FAAH2: variants seen among roughly 807,000 people sequenced by gnomAD.
FAAH2 encodes the protein fatty acid amide hydrolase 2, also known as fatty-acid amide hydrolase 2.
In FAAH2, 60 loss-of-function variants were observed where a neutral mutation model predicts 36.9. The ratio of observed to expected loss-of-function variants is 1.63; its 90% CI spans 1.32 to 2.02. FAAH2 has a LOEUF of 2.02. Among genes scored for constraint, FAAH2 ranks in the 30% most tolerant of loss-of-function variants. The pLI is 0.00. For synonymous variants in FAAH2, 214 were observed against 143.8 expected (o/e 1.49, Z -3.49); for missense variants, 689 against 397.5 (o/e 1.73, Z -6.23).
the FAAH2 span, among the ~76,000 whole-genome samples, chrX:57,258,059 T>C: frequency 8.9e-6 from 1 of 111,809 alleles, no homozygotes; most frequent in Admixed American, 9.5e-5. Flanking sequence ...TATACAATTA[T>C]AGTAATCAAA....
chrX:57,417,833 C>T (rs751421782), intron 7 of FAAH2, among the ~76,000 whole-genome samples: 3 of 111,866 alleles, frequency 2.7e-5, no homozygotes, highest in Admixed American at 1.9e-4. Context: ...GGCCCACAGC[C>T]GCCCCTTCCC....
chrX:57,332,458 A>T (rs748561678), intron 4 of FAAH2, among the ~76,000 whole-genome samples: 2 of 112,309 alleles, frequency 1.8e-5, no homozygotes, highest in Non-Finnish European at 3.8e-5. Flanking sequence ...ATTTATCAAT[A>T]TGCTGAGGTA....
At chrX:57,487,150 G>A (rs1331802421) in intron 10 of FAAH2, among the ~76,000 whole-genome samples, 1 of 110,577 alleles carries the variant, frequency 9.0e-6, no homozygotes, top group African/African-American at 3.3e-5. Context: ...ATAAATAGGA[G>A]ACCTAAATGT....
At chrX:57,393,579 G>T in intron 7 of FAAH2, 1 of 904,290 alleles carries the variant, frequency 1.1e-6, no homozygotes, top group Non-Finnish European at 1.6e-6. Context: ...CTCTGCATGA[G>T]ATTGGGCTTG....
the FAAH2 span, among the ~76,000 whole-genome samples, chrX:57,205,969 GAGTCTGTGAATT>G: frequency 8.9e-6 from 1 of 111,954 alleles, no homozygotes; most frequent in Admixed American, 9.5e-5. Context: ...TAAGGAGTTA[GAGTCTGTGAATT>G]AGTATGTGGA....
the FAAH2 span, among the ~76,000 whole-genome samples, chrX:57,150,601 T>C: frequency 8.9e-6 from 1 of 112,079 alleles, no homozygotes; most frequent in African/African-American, 3.2e-5. Flanking sequence ...TTTTTTGTTT[T>C]CCATTTGCTT....
intron 7 of FAAH2, among the ~76,000 whole-genome samples, chrX:57,403,435 C>T (rs1054622219): frequency 2.8e-4 from 32 of 112,703 alleles, no homozygotes; most frequent in African/African-American, 9.7e-4. Context: ...TACCAGCAAG[C>T]CTGACATTGC....
At chrX:57,433,627 C>G (rs1428968775) in intron 8 of FAAH2, among the ~76,000 whole-genome samples, 1 of 111,567 alleles carries the variant, frequency 9.0e-6, no homozygotes, top group African/African-American at 3.3e-5. Context: ...TGTAACTTTC[C>G]AATTCCACTC....
the FAAH2 span, among the ~76,000 whole-genome samples, chrX:57,239,955 T>A: frequency 1.8e-4 from 20 of 112,211 alleles, no homozygotes; most frequent in African/African-American, 6.1e-4. Context: ...CTTATATTCC[T>A]TGGATTTTGT....
At chrX:57,258,172 A>G in the FAAH2 span, among the ~76,000 whole-genome samples, 3 of 111,702 alleles carry the variant, frequency 2.7e-5, no homozygotes, top group African/African-American at 9.8e-5. Flanking sequence ...TTTTCATTAA[A>G]GCATCAGGAA....
At chrX:57,379,562 C>A (rs1432066015) in intron 6 of FAAH2, among the ~76,000 whole-genome samples, 1 of 109,169 alleles carries the variant, frequency 9.2e-6, no homozygotes, top group Non-Finnish European at 1.9e-5. Context: ...CACACACACA[C>A]ACACACGTGT....
At chrX:57,327,089 G>T (rs1385142187) in intron 3 of FAAH2, among the ~76,000 whole-genome samples, 1 of 108,401 alleles carries the variant, frequency 9.2e-6, no homozygotes, top group African/African-American at 3.4e-5. Context: ...TATTTCTCCT[G>T]CACTTATGAA....
intron 7 of FAAH2, among the ~76,000 whole-genome samples, chrX:57,407,515 G>T (rs1321128637): frequency 8.9e-6 from 1 of 112,073 alleles, no homozygotes; most frequent in Non-Finnish European, 1.9e-5. Flanking sequence ...CAAGCTTTTT[G>T]GGGGCCAATC....
At chrX:57,218,337 T>A in the FAAH2 span, among the ~76,000 whole-genome samples, 2 of 112,024 alleles carry the variant, frequency 1.8e-5, no homozygotes, top group African/African-American at 6.5e-5. Flanking sequence ...ACTCTGGGTT[T>A]GTCATAGATG....
the FAAH2 span, among the ~76,000 whole-genome samples, chrX:57,207,586 A>T: frequency 9.8e-5 from 11 of 112,338 alleles, no homozygotes; most frequent in Non-Finnish European, 1.9e-4. Flanking sequence ...CCATTTCCAC[A>T]TCCAGCACAA....
intron 8 of FAAH2, among the ~76,000 whole-genome samples, chrX:57,440,696 G>A (rs2056531389): frequency 1.8e-5 from 2 of 111,693 alleles, no homozygotes; most frequent in Admixed American, 1.9e-4. Context: ...CAAAGGGAAT[G>A]CTTCCAGTTT....
rs1041242933 is a variant in FAAH2, at chrX:57,452,285, G to A, written c.1423+3567G>A. ...GTGACCTCTTCAGCATCCAGCATTA[G>A]AGTGAAACTCAAGATTTATATGTCA... On this transcript the variant is annotated intron_variant, in intron 10 of 10. Coordinates refer to ENST00000374900, the MANE Select transcript of FAAH2 (RefSeq NM_174912.4). The A allele has an allele frequency of 1.6e-5, 12 of 753,354 alleles. No homozygotes were observed. In the African/African-American group the frequency reaches 2.3e-4, roughly 14 times the overall value. The allele number at this position is 753,354 out of a possible 1,213,427, so 62.1% of individuals were successfully genotyped here.
At chrX:57,376,329 G>A (rs1189421865) in intron 5 of FAAH2, among the ~76,000 whole-genome samples, 1 of 110,713 alleles carries the variant, frequency 9.0e-6, no homozygotes, top group Non-Finnish European at 1.9e-5. Context: ...GTGGTTTGTT[G>A]CACCCATCAA....
chrX:57,131,261 A>G, the FAAH2 span, among the ~76,000 whole-genome samples: 3 of 103,563 alleles, frequency 2.9e-5, no homozygotes, highest in Non-Finnish European at 3.9e-5. Flanking sequence ...AATTTTTTGT[A>G]TTTTTAGTAG....
Sources: allele counts gnomAD v4.1 joint callset (sites outside exome capture counted in the v4.1 genomes callset), GRCh38; gene constraint gnomAD v4.1.1; transcripts MANE v1.5; gene names NCBI Gene and HGNC (gene_info 2026-07-23, HGNC 2026-07-21).